Variants in ELP5 observed in about 807,000 individuals in gnomAD.
ELP5 encodes the protein elongator complex protein 5.
A neutral mutation model predicts 33.4 loss-of-function variants in ELP5; 34 were observed. The observed-to-expected ratio is 1.02, with a 90% CI of 0.78 to 1.36. The LOEUF is 1.36. ELP5 is among the 40% of genes most tolerant of loss of function. ELP5 has a pLI of 0.00. For missense variants in ELP5, 373 were observed against 371.7 expected (o/e 1.00, Z -0.03); for synonymous variants, 161 against 146.4 (o/e 1.10, Z -0.72).
chr17:7,253,874 G>C lies in ELP5; in HGVS notation c.189-709G>C, dbSNP rs141314787. On this transcript the variant is annotated intron_variant, in intron 3 of 7. Coordinates refer to ENST00000396628, the MANE Select transcript of ELP5 (RefSeq NM_203414.3). ...TACCTGGGCATGGTGGCACATGCCT[G>C]TAATTCCAGCTACTCAGGAGGCTGA... 9.9e-5 allele frequency among the ~76,000 whole-genome samples: 15 copies of C among 152,216 alleles called. No homozygotes were observed. The East Asian group carries it at 2.9e-3, about 29-fold the overall frequency.
chr17:7,256,548 G>T (rs534562446), intron 4 of ELP5, among the ~76,000 whole-genome samples: 1 of 152,212 alleles, frequency 6.6e-6, no homozygotes, highest in Non-Finnish European at 1.5e-5. Flanking sequence ...AAGTACTTCC[G>T]TGTGTAAGAG....
intron 1 of ELP5, 25 bp from the exon 2 acceptor site, chr17:7,252,745 C>A: frequency 6.2e-7 from 1 of 1,614,130 alleles, no homozygotes; most frequent in Non-Finnish European, 8.5e-7. Flanking sequence ...GCTCTCATAC[C>A]CTTTATCCGT....
In ELP5 at chr17:7,252,808, C is replaced by G; in HGVS notation, c.85C>G (p.Leu29Val). ...EWEGRSLLKA[L>V]VKKSALCGEQ... ...GGAGGGGCGCAGTCTCTTGAAGGCGCTTGTCAAGAAATCTGCACTGTGGTG... is the reference window on the plus strand; with the variant it reads ...GGAGGGGCGCAGTCTCTTGAAGGCGGTTGTCAAGAAATCTGCACTGTGGTG... The change falls in exon 2 of 8, where the codon CTT becomes GTT. Residue 29 changes from leucine to valine, a missense_variant. Coordinates refer to ENST00000396628, the MANE Select transcript of ELP5 (RefSeq NM_203414.3). 6.2e-7 allele frequency: 1 copy of G among 1,614,226 alleles called. No homozygotes were observed. The highest frequency in any genetic ancestry group is 8.5e-7 in the Non-Finnish European group (1 of 1,180,040).
chr17:7,256,153 C>G (rs2072070182), intron 4 of ELP5, among the ~76,000 whole-genome samples: 1 of 152,116 alleles, frequency 6.6e-6, no homozygotes, highest in Admixed American at 6.5e-5. Context: ...GAGTTCAAGA[C>G]CAGCCTGGCC....
Position 7,252,294 on chromosome 17 carries a change from T to C in ELP5, c.-257T>C, listed in dbSNP as rs1286555071. ...CCACTGACAACTGCCCCAACTGCTC[T>C]TCCCGCCCCGGTCACAGTGAAAATG... On this transcript the variant is annotated 5_prime_UTR_variant, in exon 1 of 8. Transcript: ENST00000396628. 2 of 575,980 alleles carry C rather than the reference T, an allele frequency of 3.5e-6. No individual in the cohort carries two copies. Among genetic ancestry groups the C allele is most frequent in the Non-Finnish European group, 6.3e-6 (2 of 319,546 alleles). 35.7% of individuals were successfully genotyped at this position (575,980 alleles called of 1,614,324 possible).
chr17:7,252,403 A>G lies in ELP5; in HGVS notation c.-148A>G. On this transcript the variant is annotated 5_prime_UTR_variant, in exon 1 of 8. Coordinates refer to ENST00000396628, the MANE Select transcript of ELP5 (RefSeq NM_203414.3). Reference sequence around the variant, plus strand: ...CGTGAGCGCCCCCCTGGGAATATTGAACATAATCACCTCTCATTCCAGACT... The same window carrying G: ...CGTGAGCGCCCCCCTGGGAATATTGGACATAATCACCTCTCATTCCAGACT... 4.7e-6 allele frequency: 6 copies of G among 1,271,700 alleles called. No individual in the cohort carries two copies. Among genetic ancestry groups the G allele is most frequent in the Non-Finnish European group, 6.7e-6 (6 of 896,468 alleles). 78.8% of individuals were successfully genotyped at this position (1,271,700 alleles called of 1,614,324 possible). A position where few individuals can be genotyped will look rare whatever the true frequency, so the allele number is the denominator to read the frequency against.
chr17:7,255,321 C>T (rs577307107), intron 4 of ELP5, among the ~76,000 whole-genome samples: 1 of 151,658 alleles, frequency 6.6e-6, no homozygotes, highest in African/African-American at 2.4e-5. Flanking sequence ...GTCAGGAGAT[C>T]GAGACCATCC....
rs754809768 is a variant in ELP5, at chr17:7,254,586, G to A, written c.192G>A (p.Leu64=). 1 of 1,608,544 alleles carries A rather than the reference G, an allele frequency of 6.2e-7. No individual in the cohort carries two copies. The highest frequency in any genetic ancestry group is 2.2e-5 in the East Asian group (1 of 44,710). ...EGFDSDINNR[L]VYHDFFRDPL... ...GTGTCTTATTTTCCCTTTGCAGGCTGGTTTACCATGACTTCTTCAGAGACC... is the reference window on the plus strand; with the variant it reads ...GTGTCTTATTTTCCCTTTGCAGGCTAGTTTACCATGACTTCTTCAGAGACC... Residue 64 remains leucine (L), a synonymous_variant, in exon 4 of 8, where the codon CTG becomes CTA. Coordinates refer to ENST00000396628, the MANE Select transcript of ELP5 (RefSeq NM_203414.3).
In ELP5 at chr17:7,257,077, CAGAG is replaced by C. The variant is rs139650592; in HGVS notation, c.591+41_591+44del. Reference sequence around the variant, plus strand: ...ACAGAGAAGGACTGGAAACGGGGGACAGAGAAAGGGGTGGCACGATGGGAAGAAC... The same window carrying C: ...ACAGAGAAGGACTGGAAACGGGGGACAAAGGGGTGGCACGATGGGAAGAAC... On this transcript the variant is annotated intron_variant, in intron 5 of 7. Coordinates refer to ENST00000396628, the MANE Select transcript of ELP5 (RefSeq NM_203414.3). The C allele has an allele frequency of 4.0e-4, 607 of 1,503,276 alleles. 6 individuals carry two copies. In the East Asian group the frequency reaches 0.013, roughly 32 times the overall value. The allele number at this position is 1,503,276 out of a possible 1,614,324, so 93.1% of individuals were successfully genotyped here.
At chr17:7,257,362 G>A (rs766624115) in intron 5 of ELP5, among the ~76,000 whole-genome samples, 3 of 151,390 alleles carry the variant, frequency 2.0e-5, no homozygotes, top group Non-Finnish European at 4.4e-5. Flanking sequence ...TATGGTTAAG[G>A]TAGATTGTTT....
Position 7,259,565 on chromosome 17 carries a change from T to C in ELP5, c.789-6T>C. On this transcript the variant is annotated splice_region_variant and splice_polypyrimidine_tract_variant and intron_variant, in intron 7 of 7. Coordinates refer to ENST00000396628, the MANE Select transcript of ELP5 (RefSeq NM_203414.3). ...CCCTCACCAGCACCAAATCTTCCCT[T>C]CTCAGACAGCAGGCTCTCCTGCGGC... 1.2e-6 allele frequency: 2 copies of C among 1,614,116 alleles called. No individual in the cohort carries two copies. The highest frequency in any genetic ancestry group is 1.7e-6 in the Non-Finnish European group (2 of 1,180,004).
In ELP5 at chr17:7,252,905, A is replaced by T. The variant is rs753301254; in HGVS notation, c.108-13A>T. 6.2e-7 allele frequency: 1 copy of T among 1,614,204 alleles called. No individual in the cohort carries two copies. ...GCCCACTCTTTGACAATCCCTTCTC[A>T]TCTCTGCCTTAGTGGGGAGCAAGTG... On this transcript the variant is annotated splice_polypyrimidine_tract_variant and intron_variant, in intron 2 of 7. Transcript: ENST00000396628.
intron 7 of ELP5, chr17:7,259,330 G>A (rs1353979417): frequency 2.9e-6 from 4 of 1,398,244 alleles, no homozygotes; most frequent in South Asian, 1.6e-5. Context: ...AAGACTACAA[G>A]ATCCTTGCCC....
rs2072174047 is a variant in ELP5, at chr17:7,259,875, G to A, written c.*190G>A. The A allele has an allele frequency of 1.0e-6, 1 of 960,216 alleles. No individual in the cohort carries two copies. The allele number at this position is 960,216 out of a possible 1,614,324, so 59.5% of individuals were successfully genotyped here. On this transcript the variant is annotated 3_prime_UTR_variant, in exon 8 of 8. Coordinates refer to ENST00000396628, the MANE Select transcript of ELP5 (RefSeq NM_203414.3). ...GACAGAAGGTAGGATGAAGACATGG[G>A]GTAATGTGAGAGAGTAGAACACCCC... is the stretch of plus-strand genomic sequence containing the variant.
At position 7,258,856 on chromosome 17, in the gene ELP5, C is replaced by T. The variant is rs761363322; in HGVS notation, c.718C>T (p.Leu240Phe). The T allele has an allele frequency of 1.8e-5, 29 of 1,614,150 alleles. No individual in the cohort carries two copies. The South Asian group carries it at 3.1e-4, about 17-fold the overall frequency. The change falls in exon 7 of 8, where the codon CTT becomes TTT. Residue 240 changes from leucine (L) to phenylalanine (F), a missense_variant. Leu to Phe is a conservative substitution (Grantham distance 22, BLOSUM62 0). Coordinates refer to ENST00000396628, the MANE Select transcript of ELP5 (RefSeq NM_203414.3). ...VDPTTHLTFN[L>F]HLSKKEREAR... ...TCCCACAACTCATTTGACCTTTAAC[C>T]TTCACCTGTCCAAGAAAGAGAGAGA...
chr17:7,257,063 C>A, intron 5 of ELP5, 25 bp downstream of exon 5: 1 of 1,525,198 alleles, frequency 6.6e-7, no homozygotes, highest in Non-Finnish European at 8.8e-7. Context: ...CAGAGAAGGA[C>A]TGGAAACGGG....
At chr17:7,257,431 G>GTTTT (rs5819151) in intron 5 of ELP5, among the ~76,000 whole-genome samples, 3 of 139,124 alleles carry the variant, frequency 2.2e-5, no homozygotes, top group Non-Finnish European at 1.6e-5. Context: ...TTCCCTTGGA[G>GTTTT]TTTTTTTTTT....
intron 7 of ELP5, chr17:7,259,325 T>C: frequency 7.2e-7 from 1 of 1,398,386 alleles, no homozygotes; most frequent in Non-Finnish European, 9.3e-7. Flanking sequence ...GACGCAAGAC[T>C]ACAAGATCCT....
chr17:7,254,814 T>G lies in ELP5; in HGVS notation c.409+11T>G. The G allele has an allele frequency of 6.2e-7, 1 of 1,609,716 alleles. No individual in the cohort carries two copies. The highest frequency in any genetic ancestry group is 8.5e-7 in the Non-Finnish European group (1 of 1,175,956). ...AGGACTCTTGTCCTGGTGAGACCCC[T>G]CCTTCATTGTTTCCCCTCATACATC... On this transcript the variant is annotated intron_variant, in intron 4 of 7. Transcript: ENST00000396628.
Sources: allele counts gnomAD v4.1 joint callset (sites outside exome capture counted in the v4.1 genomes callset), GRCh38; gene constraint gnomAD v4.1.1; transcripts MANE v1.5; gene names NCBI Gene and HGNC (gene_info 2026-07-23, HGNC 2026-07-21).